Variants in NCALD observed in about 807,000 individuals in gnomAD.
NCALD encodes the protein neurocalcin-delta.
NCALD carries 10 observed loss-of-function variants against 18.6 expected under a neutral mutation model. That is an observed-to-expected ratio of 0.54 (90% CI 0.33 to 0.91). NCALD has a LOEUF of 0.91. Ranked by LOEUF, NCALD falls within the 40% of genes least tolerant of loss-of-function variation. The probability of loss-of-function intolerance (pLI) is 0.03; values close to 1 mark genes in which losing one functional copy is unlikely to be tolerated. For missense variants in NCALD, 184 were observed against 247.6 expected (o/e 0.74, Z 1.72); for synonymous variants, 88 against 87.4 (o/e 1.01, Z -0.04).
intron 1 of NCALD, among the ~76,000 whole-genome samples, chr8:102,096,628 C>T (rs1488913842): frequency 6.6e-6 from 1 of 152,180 alleles, no homozygotes; most frequent in African/African-American, 2.4e-5. Flanking sequence ...TTCACTTCAG[C>T]CTCTGGTTGA....
At chr8:101,777,906 A>G (rs143245451) in intron 1 of NCALD, among the ~76,000 whole-genome samples, 1 of 152,328 alleles carries the variant, frequency 6.6e-6, no homozygotes, top group East Asian at 1.9e-4. Context: ...CACAATGTAA[A>G]AGAGATTTTA....
At chr8:101,818,228 CTTTAA>C (rs1422479335) in intron 4 of NCALD, among the ~76,000 whole-genome samples, 1 of 152,170 alleles carries the variant, frequency 6.6e-6, no homozygotes, top group Non-Finnish European at 1.5e-5. Flanking sequence ...CTCTTCTAAT[CTTTAA>C]TTTGACAAAG....
chr8:101,866,379 C>T (rs981583079), intron 4 of NCALD, among the ~76,000 whole-genome samples: 12 of 152,276 alleles, frequency 7.9e-5, no homozygotes, highest in African/African-American at 7.2e-5. Context: ...TTATCCAGTC[C>T]GATGGCTTTA....
intron 3 of NCALD, among the ~76,000 whole-genome samples, chr8:101,908,592 T>C (rs771086127): frequency 6.6e-6 from 1 of 152,168 alleles, no homozygotes; most frequent in Non-Finnish European, 1.5e-5. Context: ...GAAGACTTCA[T>C]GCAATAAAAC....
intron 3 of NCALD, among the ~76,000 whole-genome samples, chr8:101,909,319 G>T (rs903120683): frequency 1.3e-5 from 2 of 152,146 alleles, no homozygotes; most frequent in Non-Finnish European, 2.9e-5. Flanking sequence ...TTGCTTCCAA[G>T]AATTGATCAA....
At chr8:101,732,152 A>G (rs1197511758) in intron 1 of NCALD, among the ~76,000 whole-genome samples, 1 of 152,220 alleles carries the variant, frequency 6.6e-6, no homozygotes, top group African/African-American at 2.4e-5. Context: ...ACTTCTGAGG[A>G]ATTCCTTTTG....
At chr8:102,060,625 A>G (rs187205219) in intron 1 of NCALD, among the ~76,000 whole-genome samples, 1 of 152,286 alleles carries the variant, frequency 6.6e-6, no homozygotes, top group East Asian at 1.9e-4. Flanking sequence ...TGATGATTAA[A>G]ACAGATCAGC....
rs1816039881 is a variant in NCALD at position 101,871,976 on chromosome 8, C to T, written c.-20+15165G>A. The T allele has an allele frequency of 3.8e-6, 3 of 795,404 alleles. No individual in the cohort carries two copies. The Admixed American group carries it at 5.2e-5, about 14-fold the overall frequency. 49.3% of individuals were successfully genotyped at this position (795,404 alleles called of 1,614,324 possible). A position where few individuals can be genotyped will look rare whatever the true frequency, so the allele number is the denominator to read the frequency against. On this transcript the variant is annotated intron_variant, in intron 4 of 6. Transcript: ENST00000311028. ...TCAGACAGTTTCCACCCCAACTCAT[C>T]TCTGGTCAGGTTCATGCCGCCAAAC...
intron 2 of NCALD, among the ~76,000 whole-genome samples, chr8:101,962,201 C>A (rs1819861564): frequency 6.6e-6 from 1 of 152,142 alleles, no homozygotes; most frequent in Non-Finnish European, 1.5e-5. Context: ...AAAAATGACT[C>A]CTGGGCAACA....
chr8:101,733,798 A>T (rs1816951422), intron 1 of NCALD, among the ~76,000 whole-genome samples: 1 of 152,178 alleles, frequency 6.6e-6, no homozygotes, highest in South Asian at 2.1e-4. Context: ...ACATCTGTGG[A>T]TGTGCACCCA....
At chr8:101,895,338 A>C (rs1157664471) in intron 3 of NCALD, among the ~76,000 whole-genome samples, 5 of 134,788 alleles carry the variant, frequency 3.7e-5, no homozygotes, top group East Asian at 2.0e-4. Flanking sequence ...AACTCTCAAT[A>C]AATTAGGTAT....
At chr8:102,066,128 C>T (rs1000629577) in intron 1 of NCALD, among the ~76,000 whole-genome samples, 4 of 152,186 alleles carry the variant, frequency 2.6e-5, no homozygotes, top group Admixed American at 1.3e-4. Context: ...CCAGTCAATA[C>T]CGAACTGATG....
At chr8:101,691,846 A>C in intron 3 of NCALD, 1 of 985,414 alleles carries the variant, frequency 1.0e-6, no homozygotes, top group Middle Eastern at 5.2e-4. Flanking sequence ...GGGGGACCCA[A>C]GTGCCTGTGC....
At chr8:102,011,673 T>C (rs190055711) in intron 2 of NCALD, among the ~76,000 whole-genome samples, 2 of 152,314 alleles carry the variant, frequency 1.3e-5, no homozygotes, top group East Asian at 3.9e-4. Context: ...TAATTCAAAT[T>C]ATTGAATTGA....
At chr8:102,060,175 G>T (rs1443565598) in intron 1 of NCALD, among the ~76,000 whole-genome samples, 2 of 151,946 alleles carry the variant, frequency 1.3e-5, no homozygotes, top group African/African-American at 4.8e-5. Flanking sequence ...TACAGACAGG[G>T]TTTCACTGTG....
At chr8:101,713,296 T>C (rs1432538793) in intron 2 of NCALD, among the ~76,000 whole-genome samples, 32 of 152,326 alleles carry the variant, frequency 2.1e-4, no homozygotes, top group East Asian at 1.9e-4. Flanking sequence ...GGGAAATTTA[T>C]AGCACTAAAT....
chr8:101,913,132 C>G (rs80236422), intron 3 of NCALD, among the ~76,000 whole-genome samples: 14,515 of 152,212 alleles, frequency 0.095, 768 homozygotes, highest in East Asian at 0.18. Flanking sequence ...TTTCCAAGAC[C>G]ATAAGCAGAG....
chr8:102,113,814 T>C (rs16869125), intron 1 of NCALD, among the ~76,000 whole-genome samples: 4 of 152,226 alleles, frequency 2.6e-5, no homozygotes, highest in African/African-American at 9.7e-5. Context: ...TGGGCACTTA[T>C]ATTAGTTTTT....
At chr8:101,895,527 G>A (rs1379262120) in intron 3 of NCALD, among the ~76,000 whole-genome samples, 1 of 150,986 alleles carries the variant, frequency 6.6e-6, no homozygotes, top group East Asian at 1.9e-4. Context: ...AATTAGGCAG[G>A]AGAAGGAAAT....
Sources: allele counts gnomAD v4.1 joint callset (sites outside exome capture counted in the v4.1 genomes callset), GRCh38; gene constraint gnomAD v4.1.1; transcripts MANE v1.5; gene names NCBI Gene and HGNC (gene_info 2026-07-23, HGNC 2026-07-21).